The following SULF2 variants were observed in gnomAD, a reference collection of about 807,000 sequenced individuals.
SULF2 encodes sulfatase 2.
SULF2 carries 52 observed loss-of-function variants against 107.7 expected under a neutral mutation model. That is an observed-to-expected ratio of 0.48 (90% CI 0.39 to 0.61). The LOEUF (loss-of-function observed/expected upper bound fraction) is 0.61, where lower values mean the gene tolerates loss of function less well. Ranked by LOEUF, SULF2 falls within the 20% of genes least tolerant of loss-of-function variation. The pLI is 0.00. For missense variants in SULF2, 993 were observed against 1,177.3 expected (o/e 0.84, Z 2.29); for synonymous variants, 460 against 464.3 (o/e 0.99, Z 0.12).
At position 47,770,053 on chromosome 20, in the gene SULF2, G is replaced by GTTTTT. The variant is rs56786760; in HGVS notation, c.-100-12595_-100-12591dup. Among the ~76,000 whole-genome samples, 500 of 63,100 alleles carry GTTTTT rather than the reference G, an allele frequency of 7.9e-3. 44 individuals carry two copies. The highest frequency in any genetic ancestry group is 0.031 in the African/African-American group (434 of 13,890). 41.4% of individuals were successfully genotyped at this position (63,100 alleles called of 152,430 possible). ...CTTGCGGGTGATGTGATCTGGTGTA[G>GTTTTT]TTTTTTTTTTTTTTTTTTTTTTTTT... On this transcript the variant is annotated intron_variant, in intron 1 of 20. Coordinates refer to ENST00000688720, the MANE Select transcript of SULF2 (RefSeq NM_001387048.1).
At chr20:47,701,600 A>G (rs922709801) in intron 4 of SULF2, among the ~76,000 whole-genome samples, 4 of 152,236 alleles carry the variant, frequency 2.6e-5, no homozygotes, top group Admixed American at 6.5e-5. Context: ...ATGAGCCTCT[A>G]TGCTCACCAG....
chr20:47,759,275 G>A (rs915749748), intron 1 of SULF2, among the ~76,000 whole-genome samples: 3 of 152,132 alleles, frequency 2.0e-5, no homozygotes, highest in Admixed American at 6.5e-5. Context: ...GCCCTGGCCC[G>A]TGAGATCTGG....
At position 47,742,927 on chromosome 20, in the gene SULF2, A is replaced by ATTTTTTTT. The variant is rs397837137; in HGVS notation, c.176-5993_176-5986dup. Among the ~76,000 whole-genome samples, 20 of 99,452 alleles carry ATTTTTTTT rather than the reference A, an allele frequency of 2.0e-4. 6 individuals carry two copies. The highest frequency in any genetic ancestry group is 2.4e-4 in the Non-Finnish European group (12 of 50,776). 65.2% of individuals were successfully genotyped at this position (99,452 alleles called of 152,430 possible). On this transcript the variant is annotated intron_variant, in intron 2 of 20. Transcript: ENST00000688720. ...AGGGAGTTTCAGGATTCAAAACATGATTTTTTTTTTTTTTTTTTTTTTTTT... is the reference window on the plus strand; with the variant it reads ...AGGGAGTTTCAGGATTCAAAACATGATTTTTTTTTTTTTTTTTTTTTTTTTTTTTTTTT...
chr20:47,717,719 C>A (rs950090672), intron 3 of SULF2, among the ~76,000 whole-genome samples: 1 of 152,108 alleles, frequency 6.6e-6, no homozygotes, highest in Non-Finnish European at 1.5e-5. Flanking sequence ...GACCCGGGCA[C>A]TTTGCCTTTC....
chr20:47,771,278 G>A (rs2090625368), intron 1 of SULF2, among the ~76,000 whole-genome samples: 1 of 149,760 alleles, frequency 6.7e-6, no homozygotes. Context: ...AAGCCACGAT[G>A]TCAGGTCCAG....
chr20:47,730,630 T>C (rs745953617), intron 3 of SULF2, among the ~76,000 whole-genome samples: 5 of 152,174 alleles, frequency 3.3e-5, no homozygotes, highest in Non-Finnish European at 7.4e-5. Flanking sequence ...TTTGTATTTT[T>C]AGTAGAGACG....
intron 2 of SULF2, among the ~76,000 whole-genome samples, chr20:47,747,014 TATATAC>T (rs762308308): frequency 0.16 from 11,557 of 74,268 alleles, 541 homozygotes; most frequent in South Asian, 0.21. Context: ...TATATATATA[TATATAC>T]ACACACACAC....
chr20:47,668,595 G>A lies in SULF2; in HGVS notation c.1577-2107C>T, dbSNP rs185254817. Among the ~76,000 whole-genome samples, 13 of 152,340 alleles carry A rather than the reference G, an allele frequency of 8.5e-5. 2 individuals carry two copies. Among genetic ancestry groups the A allele is most frequent in the African/African-American group, 2.9e-4 (12 of 41,570 alleles). On this transcript the variant is annotated intron_variant, in intron 11 of 20. Coordinates refer to ENST00000688720, the MANE Select transcript of SULF2 (RefSeq NM_001387048.1). ...AACCCCTGAGCACATGTGTGGCCCCGGCGATTTGGGTAACTTCTCAGGATG... is the reference window on the plus strand; with the variant it reads ...AACCCCTGAGCACATGTGTGGCCCCAGCGATTTGGGTAACTTCTCAGGATG...
At chr20:47,691,758 A>G (rs1205329963) in intron 4 of SULF2, among the ~76,000 whole-genome samples, 2 of 152,224 alleles carry the variant, frequency 1.3e-5, no homozygotes, top group Admixed American at 6.5e-5. Flanking sequence ...GGATGCAGTA[A>G]TGTCTCCAGG....
intron 2 of SULF2, among the ~76,000 whole-genome samples, chr20:47,745,333 G>T: frequency 7.2e-6 from 1 of 138,670 alleles, no homozygotes; most frequent in Non-Finnish European, 1.5e-5. Context: ...CATCTGCAAA[G>T]CGGGAGAATA....
chr20:47,702,485 C>G lies in SULF2; in HGVS notation c.567+34G>C, dbSNP rs763692935. On this transcript the variant is annotated intron_variant, in intron 4 of 20. Transcript: ENST00000688720. ...TTGGGCCTCTAACTGCTGGGCCACA[C>G]AGCCACTCCCAGGCTGGAAAGGTTG... The G allele has an allele frequency of 5.0e-6, 8 of 1,601,022 alleles. No homozygotes were observed. In the South Asian group the frequency reaches 7.8e-5, roughly 16 times the overall value.
chr20:47,674,933 C>T (rs777459248), intron 10 of SULF2, among the ~76,000 whole-genome samples: 12 of 152,170 alleles, frequency 7.9e-5, no homozygotes, highest in Non-Finnish European at 1.3e-4. Context: ...GGGGCTGGGT[C>T]GGGGGCCGTG....
At chr20:47,723,532 C>T (rs76947238) in intron 3 of SULF2, among the ~76,000 whole-genome samples, 4,959 of 152,226 alleles carry the variant, frequency 0.033, 258 homozygotes, top group African/African-American at 0.1. Context: ...AGGTGAGTGG[C>T]AGGCGAGTGA....
intron 2 of SULF2, among the ~76,000 whole-genome samples, chr20:47,747,147 C>G (rs1029826029): frequency 2.0e-5 from 3 of 152,002 alleles, no homozygotes; most frequent in Admixed American, 6.6e-5. Context: ...TTCTGGAGAC[C>G]TGTTGCTCAG....
intron 1 of SULF2, among the ~76,000 whole-genome samples, chr20:47,769,431 C>A (rs6066460): frequency 6.7e-6 from 1 of 149,848 alleles, no homozygotes; most frequent in Non-Finnish European, 1.5e-5. Flanking sequence ...CTCCTGACCT[C>A]AAGTGATCTG....
At chr20:47,736,290 C>T (rs548409946) in intron 3 of SULF2, among the ~76,000 whole-genome samples, 1 of 152,298 alleles carries the variant, frequency 6.6e-6, no homozygotes, top group African/African-American at 2.4e-5. Context: ...TTATCTGTTC[C>T]CCTCCATGAA....
intron 10 of SULF2, 168 bp from the exon 11 acceptor site, chr20:47,672,561 C>T: frequency 1.0e-6 from 1 of 985,124 alleles, no homozygotes; most frequent in South Asian, 4.7e-5. Flanking sequence ...ACTGCCACTG[C>T]TTGAACCTTG....
intron 2 of SULF2, among the ~76,000 whole-genome samples, chr20:47,738,283 G>A (rs867380304): frequency 1.1e-4 from 16 of 152,354 alleles, no homozygotes; most frequent in Middle Eastern, 3.4e-3. Context: ...ATTGTATGCT[G>A]TGGTTGGTAC....
Position 47,785,461 on chromosome 20 carries a change from G to T in SULF2, c.-219C>A. On this transcript the variant is annotated 5_prime_UTR_variant, in exon 1 of 21. Coordinates refer to ENST00000688720, the MANE Select transcript of SULF2 (RefSeq NM_001387048.1). ...CGCCGCCGCTGCCGCTGCCGCCGCC[G>T]CCGCCGCCGCTGCCGCTGCTGCATC... The T allele has an allele frequency of 6.3e-6, 1 of 157,874 alleles. No homozygotes were observed. Among genetic ancestry groups the T allele is most frequent in the Non-Finnish European group, 1.3e-5 (1 of 76,290 alleles). 9.8% of individuals were successfully genotyped at this position (157,874 alleles called of 1,614,324 possible).
Sources: allele counts gnomAD v4.1 joint callset (sites outside exome capture counted in the v4.1 genomes callset), GRCh38; gene constraint gnomAD v4.1.1; transcripts MANE v1.5; gene names NCBI Gene and HGNC (gene_info 2026-07-23, HGNC 2026-07-21).